Variants in CIDEB observed in about 807,000 individuals in gnomAD.
The protein encoded by CIDEB is lipid transferase CIDEB.
CIDEB carries 27 observed loss-of-function variants against 22.4 expected under a neutral mutation model. That is an observed-to-expected ratio of 1.21 (90% CI 0.89 to 1.66). The LOEUF (loss-of-function observed/expected upper bound fraction) is 1.66. CIDEB is among the 40% of genes most tolerant of loss of function. The pLI is 0.00. For synonymous variants in CIDEB, 103 were observed against 109.5 expected, an observed-to-expected ratio of 0.94 and a Z score of 0.37; for missense variants, 289 against 268.7, an observed-to-expected ratio of 1.08 and a Z score of -0.53.
chr14:24,305,661 T>C lies in CIDEB; in HGVS notation c.632A>G (p.Gln211Arg). 6.2e-7 allele frequency: 1 copy of C among 1,614,038 alleles called. No individual in the cohort carries two copies. ...GTAGGAATGGAGGCGGCCCTTCTGC[T>C]GCCACTGCTCAGCCCCCTCCACTGC... is the stretch of plus-strand genomic sequence containing the variant. Reference protein sequence around the residue: ...RHAVEGAEQWQQKGRLHSY With the variant: ...RHAVEGAEQWRQKGRLHSY The change falls in exon 5 of 5, where the codon CAG (glutamine) becomes CGG (arginine). Residue 211 changes from glutamine to arginine, a missense_variant. Gln to Arg is a conservative substitution (Grantham distance 43). Transcript: ENST00000554411.
upstream of CIDEB, chr14:24,308,483 TCTTTC>T (rs1197122215): frequency 6.5e-6 from 1 of 153,420 alleles, no homozygotes; most frequent in East Asian, 1.9e-4. Context: ...GCTTACCTGC[TCTTTC>T]CTTCCTCCTT....
intron 2 of CIDEB, 47 bp from the exon 3 acceptor site, chr14:24,306,570 CT>C (rs750297497): frequency 6.2e-7 from 1 of 1,611,844 alleles, no homozygotes; most frequent in South Asian, 1.1e-5. Flanking sequence ...TCCCATGCCC[CT>C]TCCCTCTTTA....
chr14:24,307,987 C>T (rs1158802478), upstream of CIDEB: 2 of 849,834 alleles, frequency 2.4e-6, no homozygotes, highest in Non-Finnish European at 3.9e-6. Context: ...TGAGTCAAGC[C>T]TGGACTCTGG....
chr14:24,305,395 A>G lies in CIDEB; in HGVS notation c.*238T>C, dbSNP rs113045056. 8.7e-4 allele frequency: 511 copies of G among 588,348 alleles called. 2 individuals carry two copies. The African/African-American group carries it at 8.8e-3, about 10-fold the overall frequency. The allele number at this position is 588,348 out of a possible 1,614,324, so 36.4% of individuals were successfully genotyped here. On this transcript the variant is annotated 3_prime_UTR_variant, in exon 5 of 5. Transcript: ENST00000554411. ...GGGGACATCTTGATCTTGGCCTTTC[A>G]GGGCAAGTGGGAGGCCAGAAAGGTG...
At chr14:24,308,068 G>A, upstream of CIDEB, 2 of 598,642 alleles carry the variant, frequency 3.3e-6, no homozygotes, top group Admixed American at 5.9e-5. Flanking sequence ...ATGGGGTCCT[G>A]GAGGAAGAAT....
chr14:24,310,951 C>A, upstream of CIDEB: 1 of 1,591,926 alleles, frequency 6.3e-7, no homozygotes, highest in Non-Finnish European at 8.5e-7. Context: ...GGCTGCAAGG[C>A]GGTGTACTAC....
At chr14:24,308,034 GGGGAGGGATGA>G (rs1224424073), upstream of CIDEB, 7 of 644,368 alleles carry the variant, frequency 1.1e-5, no homozygotes, top group Non-Finnish European at 2.0e-5. Flanking sequence ...CAAAGTCCAA[GGGGAGGGATGA>G]GGGAGGGGCC....
In CIDEB at chr14:24,306,419, C is replaced by T. The variant is rs145654058; in HGVS notation, c.291G>A (p.Thr97=). 1.1e-4 allele frequency: 176 copies of T among 1,614,258 alleles called. No individual in the cohort carries two copies. The African/African-American group carries it at 2.1e-3, about 19-fold the overall frequency. Residue 97 remains threonine (T), a synonymous_variant, in exon 3 of 5, where the codon ACG becomes ACA. Transcript: ENST00000554411. ...GACCAGACTGCAACACCATCAGGCACGTGTCATCCTCCAGCAGCTGGAAGA... is the reference window on the plus strand; with the variant it reads ...GACCAGACTGCAACACCATCAGGCATGTGTCATCCTCCAGCAGCTGGAAGA... ...EDFFQLLEDD[T]CLMVLQSGQS...
upstream of CIDEB, chr14:24,311,406 G>A (rs2041700726): frequency 6.2e-7 from 1 of 1,601,676 alleles, no homozygotes; most frequent in African/African-American, 1.3e-5. Context: ...CCTTCTGCAG[G>A]CGGTCGCAGC....
rs1386164496 is a variant in CIDEB, at chr14:24,305,937, G to A, written c.527+10C>T. The A allele has an allele frequency of 6.2e-7, 1 of 1,611,086 alleles. No homozygotes were observed. Among genetic ancestry groups the A allele is most frequent in the Admixed American group, 1.7e-5 (1 of 59,888 alleles). ...AGGGGATGGGGCAGTATGACATGTT[G>A]ATTTCTGACCTGAGTACTTTCTTTG... On this transcript the variant is annotated intron_variant, in intron 4 of 4. Coordinates refer to ENST00000554411, the MANE Select transcript of CIDEB (RefSeq NM_001393339.1).
At chr14:24,310,338 A>T, upstream of CIDEB, 1 of 598,930 alleles carries the variant, frequency 1.7e-6, no homozygotes, top group Admixed American at 3.0e-5. Context: ...ACAAAGAAGG[A>T]GGGGCCAGAC....
upstream of CIDEB, chr14:24,310,735 C>G (rs1434105473): frequency 1.2e-6 from 2 of 1,612,210 alleles, no homozygotes; most frequent in Admixed American, 1.7e-5. Flanking sequence ...GCCACAGGCA[C>G]AGCCTTCCTG....
chr14:24,310,857 G>A, upstream of CIDEB: 1 of 1,592,136 alleles, frequency 6.3e-7, no homozygotes, highest in Non-Finnish European at 8.5e-7. Context: ...GCTGCACCTG[G>A]CGCTGGCCGA....
rs1330300115 is a variant in CIDEB at position 24,306,408 on chromosome 14, A to G, written c.302T>C (p.Val101Ala). 1.9e-6 allele frequency: 3 copies of G among 1,614,058 alleles called. No homozygotes were observed. Among genetic ancestry groups the G allele is most frequent in the African/African-American group, 2.7e-5 (2 of 74,916 alleles). Residue 101 changes from valine (V) to alanine (A), a missense_variant, in exon 3 of 5, where the codon GTG becomes GCG. Transcript: ENST00000554411. ...QLLEDDTCLM[V>A]LQSGQSWSPT... ...GCTCCAGCTCTGACCAGACTGCAAC[A>G]CCATCAGGCACGTGTCATCCTCCAG...
chr14:24,306,781 G>T (rs759851705), intron 2 of CIDEB: 3 of 507,938 alleles, frequency 5.9e-6, no homozygotes, highest in African/African-American at 1.9e-5. Flanking sequence ...GTCACTTCTG[G>T]TTTGGAATTG....
In CIDEB at chr14:24,307,353, G is replaced by A. The variant is rs369493334; in HGVS notation, c.186+18C>T. 2 of 1,607,584 alleles carry A rather than the reference G, an allele frequency of 1.2e-6. No homozygotes were observed. Among genetic ancestry groups the A allele is most frequent in the African/African-American group, 2.7e-5 (2 of 74,756 alleles). ...TGGCTACCCCTGCTATAGGAACCGA[G>A]GAACTTGGCCTACTTACTTTGGCTA... On this transcript the variant is annotated intron_variant, in intron 2 of 4. Transcript: ENST00000554411.
upstream of CIDEB, chr14:24,308,002 C>A (rs192460331): frequency 7.3e-5 from 54 of 743,304 alleles, no homozygotes; most frequent in South Asian, 5.5e-4. Flanking sequence ...CTCTGGCCCC[C>A]CTGCCTGGCC....
At chr14:24,309,561 T>A (rs2041622896), upstream of CIDEB, 1 of 152,230 alleles carries the variant, frequency 6.6e-6, no homozygotes, top group South Asian at 2.1e-4. Context: ...TTTCCTTTCT[T>A]GTCTTGTATC....
chr14:24,306,156 AG>A lies in CIDEB; in HGVS notation c.337-20del. ...CTCCACTCTGTAGGACACCCTTGTCAGTGCAGTAGATCCTCATACCAGACAC... is the reference window on the plus strand; with the variant it reads ...CTCCACTCTGTAGGACACCCTTGTCATGCAGTAGATCCTCATACCAGACAC... On this transcript the variant is annotated intron_variant, in intron 3 of 4. Transcript: ENST00000554411. The A allele has an allele frequency of 6.2e-7, 1 of 1,608,350 alleles. No individual in the cohort carries two copies. Among genetic ancestry groups the A allele is most frequent in the Non-Finnish European group, 8.5e-7 (1 of 1,176,280 alleles).
Sources: allele counts gnomAD v4.1 joint callset, GRCh38; gene constraint gnomAD v4.1.1; transcripts MANE v1.5; gene names NCBI Gene and HGNC (gene_info 2026-07-23, HGNC 2026-07-21).